Variants in GPR158 observed in about 807,000 individuals in gnomAD.
GPR158 encodes the protein metabotropic glycine receptor.
In GPR158, 30 loss-of-function variants were observed where a neutral mutation model predicts 78.2. The ratio of observed to expected loss-of-function variants is 0.38; its 90% CI spans 0.29 to 0.52. GPR158 has a LOEUF of 0.52. GPR158 is among the 20% of genes least tolerant of loss of function. The pLI is 0.83. For synonymous variants in GPR158, 581 were observed against 591.1 expected (o/e 0.98, Z 0.25); for missense variants, 1,463 against 1,523.5 (o/e 0.96, Z 0.66).
intron 2 of GPR158, among the ~76,000 whole-genome samples, chr10:25,262,404 T>C (rs1297508818): frequency 2.0e-5 from 3 of 152,176 alleles, no homozygotes; most frequent in Admixed American, 2.0e-4. Flanking sequence ...AGACATTCTG[T>C]AACTTCTTAG....
intron 4 of GPR158, among the ~76,000 whole-genome samples, chr10:25,429,135 T>C (rs932567634): frequency 1.3e-5 from 2 of 152,062 alleles, no homozygotes; most frequent in African/African-American, 4.8e-5. Context: ...CTGGGAGTTA[T>C]CTCATTGCAT....
At chr10:25,411,291 G>A (rs1480727855) in intron 3 of GPR158, among the ~76,000 whole-genome samples, 1 of 152,158 alleles carries the variant, frequency 6.6e-6, no homozygotes, top group Non-Finnish European at 1.5e-5. Context: ...CTAAGAGCTT[G>A]CAAAGTGGGA....
intron 2 of GPR158, among the ~76,000 whole-genome samples, chr10:25,255,612 T>C (rs144985919): frequency 1.3e-5 from 2 of 152,324 alleles, no homozygotes; most frequent in Non-Finnish European, 2.9e-5. Flanking sequence ...CTGTTTGTTT[T>C]GTTTTGTTTT....
rs576605759 is a variant in GPR158, at chr10:25,501,348, G to A, written c.1404+34629G>A. The stretch of plus-strand genomic sequence containing the variant: ...TTCTTCAGAGGAACCTTTCCTGACC[G>A]TCTTTATCAAAGGTCTCTCCTCCCA... On this transcript the variant is annotated intron_variant, in intron 5 of 10. Transcript: ENST00000376351. Among the ~76,000 whole-genome samples the A allele has an allele frequency of 1.7e-3, 265 of 152,222 alleles. 1 individual carries two copies. Among genetic ancestry groups the A allele is most frequent in the African/African-American group, 5.7e-3 (236 of 41,536 alleles).
intron 2 of GPR158, among the ~76,000 whole-genome samples, chr10:25,378,092 C>T (rs560768781): frequency 1.3e-5 from 2 of 152,112 alleles, no homozygotes; most frequent in African/African-American, 2.4e-5. Context: ...CATAGTGGTT[C>T]CTGGTTATTT....
chr10:25,286,339 C>A (rs949177828), intron 2 of GPR158, among the ~76,000 whole-genome samples: 4 of 151,930 alleles, frequency 2.6e-5, no homozygotes, highest in Admixed American at 2.6e-4. Context: ...TTCACTGTTT[C>A]CTTATTTGGC....
intron 5 of GPR158, among the ~76,000 whole-genome samples, chr10:25,475,213 C>T (rs1835566125): frequency 6.6e-6 from 1 of 151,694 alleles, no homozygotes; most frequent in Admixed American, 6.6e-5. Flanking sequence ...AGAACTGACG[C>T]ATTAAAAGAA....
At position 25,206,616 on chromosome 10, in the gene GPR158, TC is replaced by T. The variant is rs1480826610; in HGVS notation, c.903-14434del. Among the ~76,000 whole-genome samples the T allele has an allele frequency of 2.6e-5, 4 of 152,284 alleles. No homozygotes were observed. In the East Asian group the frequency reaches 5.8e-4, roughly 22 times the overall value. On this transcript the variant is annotated intron_variant, in intron 1 of 10. Coordinates refer to ENST00000376351, the MANE Select transcript of GPR158 (RefSeq NM_020752.3). Reference sequence around the variant, plus strand: ...GTAAAACATATATGTTAAATATTTTTCCTGTTTTCTAATAAATGTACACCAA... The same window carrying T: ...GTAAAACATATATGTTAAATATTTTTCTGTTTTCTAATAAATGTACACCAA...
rs190302748 is a variant in GPR158 at position 25,491,718 on chromosome 10, C to G, written c.1404+24999C>G. Among the ~76,000 whole-genome samples the G allele has an allele frequency of 2.0e-4, 30 of 152,080 alleles. 1 individual carries two copies. Among genetic ancestry groups the G allele is most frequent in the Admixed American group, 1.6e-3 (25 of 15,240 alleles). On this transcript the variant is annotated intron_variant, in intron 5 of 10. Coordinates refer to ENST00000376351, the MANE Select transcript of GPR158 (RefSeq NM_020752.3). Reference sequence around the variant, plus strand: ...AGCATGGTAAAAAATACCCATAGTTCTATTTCTTATAATTGTTAACAATTT... The same window carrying G: ...AGCATGGTAAAAAATACCCATAGTTGTATTTCTTATAATTGTTAACAATTT...
At chr10:25,344,954 G>A (rs1855353432) in intron 2 of GPR158, among the ~76,000 whole-genome samples, 1 of 151,912 alleles carries the variant, frequency 6.6e-6, no homozygotes, top group African/African-American at 2.4e-5. Context: ...AACTCTCTGG[G>A]ATCTCTTTTA....
At chr10:25,481,841 C>T (rs993967232) in intron 5 of GPR158, among the ~76,000 whole-genome samples, 1 of 152,070 alleles carries the variant, frequency 6.6e-6, no homozygotes, top group African/African-American at 2.4e-5. Context: ...GAATTGGTAG[C>T]TTATTGTGGT....
chr10:25,245,309 G>A (rs1853674143), intron 2 of GPR158, among the ~76,000 whole-genome samples: 1 of 152,200 alleles, frequency 6.6e-6, no homozygotes, highest in East Asian at 1.9e-4. Flanking sequence ...GCCTGGCCCA[G>A]GCCATGTCTT....
chr10:25,429,484 G>C (rs1186066262), intron 4 of GPR158, among the ~76,000 whole-genome samples: 1 of 151,984 alleles, frequency 6.6e-6, no homozygotes. Flanking sequence ...TCTTGTTATT[G>C]TGAAAATTAT....
intron 2 of GPR158, among the ~76,000 whole-genome samples, chr10:25,297,949 C>T (rs907640542): frequency 6.6e-6 from 1 of 152,202 alleles, no homozygotes; most frequent in East Asian, 1.9e-4. Context: ...CACATCTTTG[C>T]CCCTTAATAG....
chr10:25,283,015 A>G (rs12263037), intron 2 of GPR158, among the ~76,000 whole-genome samples: 26,057 of 151,974 alleles, frequency 0.17, 3,597 homozygotes, highest in African/African-American at 0.36. Context: ...AATAATGCTG[A>G]CCTCATAAAA....
intron 6 of GPR158, among the ~76,000 whole-genome samples, chr10:25,564,261 G>A (rs1836899459): frequency 6.6e-6 from 1 of 152,166 alleles, no homozygotes; most frequent in Non-Finnish European, 1.5e-5. Flanking sequence ...TGCAGAGCCT[G>A]AGGTCGGCAG....
intron 2 of GPR158, among the ~76,000 whole-genome samples, chr10:25,322,947 C>T (rs546162006): frequency 4.6e-5 from 7 of 152,154 alleles, no homozygotes; most frequent in African/African-American, 1.2e-4. Context: ...CCCAGGTTCA[C>T]GCCATTCTCC....
At chr10:25,443,854 C>T (rs768379635) in intron 4 of GPR158, among the ~76,000 whole-genome samples, 38 of 152,058 alleles carry the variant, frequency 2.5e-4, no homozygotes, top group African/African-American at 4.8e-5. Context: ...ATCTTTCAGA[C>T]CTCAACTCCT....
intron 2 of GPR158, among the ~76,000 whole-genome samples, chr10:25,237,109 A>C (rs1564398299): frequency 6.6e-6 from 1 of 152,178 alleles, no homozygotes; most frequent in Non-Finnish European, 1.5e-5. Flanking sequence ...CTACTTGCAC[A>C]TCTCATTGGT....
Sources: gnomAD v4.1 joint callset for allele counts (sites outside exome capture counted in the v4.1 genomes callset) on GRCh38, gnomAD v4.1.1 for gene constraint, MANE v1.5 for transcripts, NCBI Gene and HGNC (gene_info 2026-07-23, HGNC 2026-07-21) for gene names.